LINGO2: variants seen among roughly 807,000 people sequenced by gnomAD.
LINGO2 encodes the protein leucine rich repeat and Ig domain containing 2, also known as leucine-rich repeat and immunoglobulin-like domain-containing nogo receptor-interacting protein 2.
LINGO2 carries 14 observed loss-of-function variants against 30.6 expected under a neutral mutation model. The ratio of observed to expected loss-of-function variants is 0.46; its 90% CI spans 0.30 to 0.72. The LOEUF (loss-of-function observed/expected upper bound fraction) is 0.72. LINGO2 is among the 30% of genes least tolerant of loss of function. The probability of loss-of-function intolerance (pLI) is 0.07; values close to 1 mark genes in which losing one functional copy is unlikely to be tolerated. For synonymous variants in LINGO2, 317 were observed against 288.5 expected, an observed-to-expected ratio of 1.10 and a Z score of -1.00; for missense variants, 729 against 751.7, an observed-to-expected ratio of 0.97 and a Z score of 0.35.
chr9:28,917,966 G>T, the LINGO2 span, among the ~76,000 whole-genome samples: 4 of 151,958 alleles, frequency 2.6e-5, no homozygotes, highest in Non-Finnish European at 4.4e-5. Context: ...AGTGCTAGCG[G>T]CCTACACAAT....
intron 4 of LINGO2, among the ~76,000 whole-genome samples, chr9:28,111,347 T>C (rs1033039919): frequency 6.6e-6 from 1 of 151,904 alleles, no homozygotes; most frequent in East Asian, 1.9e-4. Context: ...GACGCATGTA[T>C]ACCTATGTAA....
intron 3 of LINGO2, among the ~76,000 whole-genome samples, chr9:28,363,498 A>G (rs1587544676): frequency 6.6e-6 from 1 of 152,202 alleles, no homozygotes; most frequent in African/African-American, 2.4e-5. Flanking sequence ...GGTAATAGTC[A>G]CATTGACTAA....
At chr9:28,929,581 C>T in the LINGO2 span, among the ~76,000 whole-genome samples, 1 of 152,104 alleles carries the variant, frequency 6.6e-6, no homozygotes, top group Admixed American at 6.5e-5. Flanking sequence ...AGTTTTATTA[C>T]TGATCCTGAG....
At chr9:29,102,206 C>A in the LINGO2 span, among the ~76,000 whole-genome samples, 11 of 151,972 alleles carry the variant, frequency 7.2e-5, no homozygotes, top group African/African-American at 2.7e-4. Flanking sequence ...CTCAGCCTCC[C>A]GAGTAGCTGG....
At chr9:28,383,768 C>T (rs1051144177) in intron 2 of LINGO2, among the ~76,000 whole-genome samples, 10 of 151,924 alleles carry the variant, frequency 6.6e-5, no homozygotes, top group African/African-American at 1.5e-4. Flanking sequence ...GGGAGTTAGT[C>T]GACCATGTAA....
At chr9:29,128,168 T>C in the LINGO2 span, among the ~76,000 whole-genome samples, 3 of 152,226 alleles carry the variant, frequency 2.0e-5, no homozygotes, top group South Asian at 2.1e-4. Context: ...GTGGCACCAG[T>C]GCCCACCTAA....
At chr9:28,822,792 CT>C in the LINGO2 span, among the ~76,000 whole-genome samples, 93 of 152,060 alleles carry the variant, frequency 6.1e-4, no homozygotes, top group Admixed American at 2.0e-3. Flanking sequence ...ATAAACTCCC[CT>C]TTATATATTT....
the LINGO2 span, among the ~76,000 whole-genome samples, chr9:29,033,871 A>C: frequency 6.6e-6 from 1 of 152,114 alleles, no homozygotes; most frequent in Non-Finnish European, 1.5e-5. Flanking sequence ...AGTTGAGCTC[A>C]GGAGTTCCAG....
At chr9:27,999,247 G>A (rs1390901495) in intron 5 of LINGO2, among the ~76,000 whole-genome samples, 1 of 152,010 alleles carries the variant, frequency 6.6e-6, no homozygotes, top group Non-Finnish European at 1.5e-5. Flanking sequence ...GAAGCCAAGA[G>A]GGTTTAGGAA....
chr9:28,596,991 A>G (rs1215245221), intron 1 of LINGO2, among the ~76,000 whole-genome samples: 2 of 152,286 alleles, frequency 1.3e-5, no homozygotes, highest in East Asian at 3.9e-4. Flanking sequence ...ACGTCTATCT[A>G]TACTGGCAAG....
At chr9:28,490,681 A>G (rs1826360081) in intron 1 of LINGO2, among the ~76,000 whole-genome samples, 1 of 152,226 alleles carries the variant, frequency 6.6e-6, no homozygotes, top group Non-Finnish European at 1.5e-5. Flanking sequence ...ATATAAACCT[A>G]TATCTTAAAT....
chr9:28,922,295 G>T, the LINGO2 span, among the ~76,000 whole-genome samples: 1 of 152,108 alleles, frequency 6.6e-6, no homozygotes, highest in Admixed American at 6.6e-5. Context: ...GTGACAGAAA[G>T]AATTCTAATA....
At chr9:28,006,961 C>T (rs1822298088) in intron 5 of LINGO2, among the ~76,000 whole-genome samples, 1 of 152,052 alleles carries the variant, frequency 6.6e-6, no homozygotes, top group African/African-American at 2.4e-5. Context: ...TATTGAATAC[C>T]TAGTATGTGT....
At chr9:29,202,956 T>G in the LINGO2 span, among the ~76,000 whole-genome samples, 1 of 152,124 alleles carries the variant, frequency 6.6e-6, no homozygotes, top group Non-Finnish European at 1.5e-5. Context: ...CAATTCACAT[T>G]TATTTCATCA....
At chr9:28,173,033 T>TA (rs1011559484) in intron 4 of LINGO2, among the ~76,000 whole-genome samples, 1 of 152,194 alleles carries the variant, frequency 6.6e-6, no homozygotes, top group Admixed American at 6.5e-5. Flanking sequence ...ATAACTGTCT[T>TA]AAAATTGTGT....
intron 5 of LINGO2, among the ~76,000 whole-genome samples, chr9:27,953,676 G>T (rs975713018): frequency 2.0e-5 from 3 of 152,024 alleles, no homozygotes; most frequent in African/African-American, 7.2e-5. Context: ...GGATGTGTTT[G>T]CTTCCCCCTT....
At chr9:27,982,726 G>T (rs146155139) in intron 5 of LINGO2, among the ~76,000 whole-genome samples, 1 of 151,984 alleles carries the variant, frequency 6.6e-6, no homozygotes, top group African/African-American at 2.4e-5. Flanking sequence ...TTTGTGCTGA[G>T]AGCAGAGAAC....
At chr9:28,018,261 G>A (rs1563916628) in intron 4 of LINGO2, among the ~76,000 whole-genome samples, 1 of 152,150 alleles carries the variant, frequency 6.6e-6, no homozygotes, top group East Asian at 1.9e-4. Context: ...AGTCCCAGAG[G>A]AAAACCTAGA....
At chr9:29,026,958 A>C in the LINGO2 span, among the ~76,000 whole-genome samples, 66 of 152,312 alleles carry the variant, frequency 4.3e-4, 2 homozygotes, top group East Asian at 0.011. Context: ...AAATAAAATA[A>C]CAACTACAAA....
Sources: gnomAD v4.1 joint callset for allele counts (sites outside exome capture counted in the v4.1 genomes callset) on GRCh38, gnomAD v4.1.1 for gene constraint, MANE v1.5 for transcripts, NCBI Gene and HGNC (gene_info 2026-07-23, HGNC 2026-07-21) for gene names.